Variants in TBC1D32 observed in about 807,000 individuals in gnomAD.
The protein encoded by TBC1D32 is TBC1 domain family member 32.
In TBC1D32, 151 loss-of-function variants were observed where a neutral mutation model predicts 170.3. The ratio of observed to expected loss-of-function variants is 0.89; its 90% CI spans 0.78 to 1.01. The LOEUF is 1.01. TBC1D32 is among the 50% of genes least tolerant of loss of function. The pLI is 0.00. For synonymous variants in TBC1D32, 498 were observed against 488.0 expected (o/e 1.02, Z -0.27); for missense variants, 1,464 against 1,457.1 (o/e 1.00, Z -0.08).
At chr6:121,296,284 C>T (rs542456745) in intron 10 of TBC1D32, among the ~76,000 whole-genome samples, 1 of 152,088 alleles carries the variant, frequency 6.6e-6, no homozygotes, top group African/African-American at 2.4e-5. Flanking sequence ...TAAATGACAG[C>T]TGAGAGCATA....
chr6:121,106,409 G>A (rs1026515024), intron 29 of TBC1D32, among the ~76,000 whole-genome samples: 7 of 152,040 alleles, frequency 4.6e-5, no homozygotes, highest in Admixed American at 3.3e-4. Context: ...CAGGAAAAAA[G>A]TTAATAATTT....
intron 30 of TBC1D32, among the ~76,000 whole-genome samples, chr6:121,098,324 C>G (rs1342938411): frequency 6.6e-6 from 1 of 151,798 alleles, no homozygotes; most frequent in Non-Finnish European, 1.5e-5. Context: ...GATTCAAAGA[C>G]ACTATTTTTA....
At chr6:121,099,252 TA>T (rs1305870845) in intron 30 of TBC1D32, among the ~76,000 whole-genome samples, 1 of 151,950 alleles carries the variant, frequency 6.6e-6, no homozygotes, top group Non-Finnish European at 1.5e-5. Flanking sequence ...TGGTACTTCT[TA>T]AGCCAGGAAA....
At chr6:121,108,303 T>C (rs1778890594) in intron 29 of TBC1D32, among the ~76,000 whole-genome samples, 1 of 152,030 alleles carries the variant, frequency 6.6e-6, no homozygotes, top group African/African-American at 2.4e-5. Flanking sequence ...GATAAATTGT[T>C]TATTATACTT....
chr6:121,297,467 A>T (rs1390359617), intron 10 of TBC1D32, among the ~76,000 whole-genome samples: 1 of 152,070 alleles, frequency 6.6e-6, no homozygotes, highest in Non-Finnish European at 1.5e-5. Flanking sequence ...CACTACATAA[A>T]ACCATTTCAG....
chr6:121,199,184 T>C (rs1315936730), intron 22 of TBC1D32, among the ~76,000 whole-genome samples: 1 of 151,436 alleles, frequency 6.6e-6, no homozygotes, highest in Non-Finnish European at 1.5e-5. Context: ...GCAACAATTA[T>C]AAACATCAAG....
chr6:121,087,938 GTTACATGGGGAAT>G (rs1776412601), intron 31 of TBC1D32, among the ~76,000 whole-genome samples: 1 of 146,772 alleles, frequency 6.8e-6, no homozygotes, highest in Non-Finnish European at 1.5e-5. Context: ...GTGGTATGCA[GTTACATGGGGAAT>G]TTTTTTTTTT....
intron 12 of TBC1D32, among the ~76,000 whole-genome samples, chr6:121,285,377 C>T (rs758273142): frequency 2.6e-5 from 4 of 152,176 alleles, no homozygotes; most frequent in Non-Finnish European, 4.4e-5. Context: ...ATTATTTCAG[C>T]AGCAAGTTAT....
At chr6:121,112,378 C>A in intron 29 of TBC1D32, 127 bp downstream of exon 29, 1 of 828,662 alleles carries the variant, frequency 1.2e-6, no homozygotes, top group Non-Finnish European at 1.7e-6. Context: ...AGTCAAAAAA[C>A]ATTCAAGTAG....
chr6:121,282,603 C>A (rs1363986840), intron 13 of TBC1D32, among the ~76,000 whole-genome samples: 4 of 151,814 alleles, frequency 2.6e-5, no homozygotes, highest in Admixed American at 2.0e-4. Flanking sequence ...AAGTGAGAAA[C>A]CCTGTTTACA....
At chr6:121,201,119 G>A (rs1196691013) in intron 22 of TBC1D32, among the ~76,000 whole-genome samples, 1 of 151,432 alleles carries the variant, frequency 6.6e-6, no homozygotes, top group African/African-American at 2.5e-5. Flanking sequence ...CAAGGTTAAA[G>A]AGAATGAGCA....
At chr6:121,229,658 C>T (rs1433413454) in intron 20 of TBC1D32, among the ~76,000 whole-genome samples, 1 of 152,052 alleles carries the variant, frequency 6.6e-6, no homozygotes, top group African/African-American at 2.4e-5. Flanking sequence ...TCGCAGACTG[C>T]AAATGATGAC....
chr6:121,241,636 G>T, intron 18 of TBC1D32, 84 bp from the exon 19 acceptor site: 1 of 1,097,660 alleles, frequency 9.1e-7, no homozygotes, highest in Non-Finnish European at 1.4e-6. Context: ...GGTAAGAACT[G>T]CAAAAACAAA....
At chr6:121,217,283 C>A (rs1793948909) in intron 21 of TBC1D32, among the ~76,000 whole-genome samples, 1 of 152,224 alleles carries the variant, frequency 6.6e-6, no homozygotes. Context: ...AAGCAATTTG[C>A]CTTCAGCTGG....
At chr6:121,099,704 A>AATAG (rs1777802108) in intron 30 of TBC1D32, among the ~76,000 whole-genome samples, 1 of 151,940 alleles carries the variant, frequency 6.6e-6, no homozygotes, top group Non-Finnish European at 1.5e-5. Flanking sequence ...ATGGTAAATA[A>AATAG]TATCAACAGA....
At chr6:121,274,648 C>T (rs1801980678) in intron 15 of TBC1D32, among the ~76,000 whole-genome samples, 1 of 151,960 alleles carries the variant, frequency 6.6e-6, no homozygotes, top group African/African-American at 2.4e-5. Context: ...AGTAGAACTT[C>T]ATCAAGAAAC....
chr6:121,088,010 G>A (rs1169732967), intron 31 of TBC1D32, among the ~76,000 whole-genome samples: 2 of 150,902 alleles, frequency 1.3e-5, no homozygotes, highest in African/African-American at 4.9e-5. Context: ...GAGTGCACTG[G>A]TACAATCATG....
intron 12 of TBC1D32, among the ~76,000 whole-genome samples, chr6:121,290,913 A>G (rs1804739975): frequency 6.6e-6 from 1 of 152,114 alleles, no homozygotes; most frequent in Admixed American, 6.6e-5. Context: ...AAAAAACCAA[A>G]CACCACATGT....
intron 20 of TBC1D32, among the ~76,000 whole-genome samples, chr6:121,233,029 T>C (rs1023792265): frequency 1.5e-4 from 23 of 152,280 alleles, no homozygotes; most frequent in South Asian, 8.3e-4. Flanking sequence ...AGGGTTCCTT[T>C]TGAAGTTAAT....
Sources: gnomAD v4.1 joint callset for allele counts (sites outside exome capture counted in the v4.1 genomes callset) on GRCh38, gnomAD v4.1.1 for gene constraint, MANE v1.5 for transcripts, NCBI Gene and HGNC (gene_info 2026-07-23, HGNC 2026-07-21) for gene names.